The following CCDC14 variants were observed in gnomAD, a reference collection of about 807,000 sequenced individuals.
The protein encoded by CCDC14 is coiled-coil domain-containing protein 14.
In CCDC14, 71 loss-of-function variants were observed where a neutral mutation model predicts 81.4. The observed-to-expected ratio is 0.87, with a 90% CI of 0.72 to 1.06. The LOEUF is 1.06. Among genes scored for constraint, CCDC14 ranks in the 50% least tolerant of loss-of-function variants. The probability of loss-of-function intolerance (pLI) is 0.00; values close to 1 mark genes in which losing one functional copy is unlikely to be tolerated. For synonymous variants in CCDC14, 332 were observed against 364.8 expected (o/e 0.91, Z 1.03); for missense variants, 1,046 against 1,047.3 (o/e 1.00, Z 0.02).
intron 7 of CCDC14, 23 bp downstream of exon 7, chr3:123,948,668 T>C (rs1559799971): frequency 2.0e-6 from 3 of 1,536,872 alleles, no homozygotes; most frequent in Non-Finnish European, 2.6e-6. Flanking sequence ...TAGTTACTTA[T>C]GTAGTATAAG....
Position 123,955,917 on chromosome 3 carries a change from T to A in CCDC14, c.278A>T (p.Glu93Val), listed in dbSNP as rs1253001487. The change falls in exon 5 of 13, where the codon GAA becomes GTA. Residue 93 changes from glutamate to valine, a missense_variant. Physicochemically the swap from Glu to Val is moderately radical, Grantham distance 121. Coordinates refer to ENST00000409697, the MANE Select transcript of CCDC14 (RefSeq NM_001366335.1). ...CTTTTTTGATCCGTATCTTTTGCTTTCTAAAGGTCTAGAATTAGATCTGTT... is the reference window on the plus strand; with the variant it reads ...CTTTTTTGATCCGTATCTTTTGCTTACTAAAGGTCTAGAATTAGATCTGTT... ...LENRSNSRPL[E>V]SKRYGSKKKR... 5 of 1,537,058 alleles carry A rather than the reference T, an allele frequency of 3.3e-6. No individual in the cohort carries two copies. The highest frequency in any genetic ancestry group is 3.5e-6 in the Non-Finnish European group (4 of 1,137,520).
rs565823841 is a variant in CCDC14, at chr3:123,947,204, A to G, written c.800T>C (p.Leu267Pro). 44 of 1,613,982 alleles carry G rather than the reference A, an allele frequency of 2.7e-5. No homozygotes were observed. The South Asian group carries it at 4.6e-4, about 17-fold the overall frequency. Residue 267 changes from leucine (L) to proline (P), a missense_variant, in exon 8 of 13, where the codon CTG (leucine) becomes CCG (proline). Leu to Pro is a moderately conservative substitution (Grantham distance 98). Coordinates refer to ENST00000409697, the MANE Select transcript of CCDC14 (RefSeq NM_001366335.1). ...AATAGCTGATATGTCAGTTTTGGGCAGGCTACATGGAACTCCAGGACTGGT... is the reference window on the plus strand; with the variant it reads ...AATAGCTGATATGTCAGTTTTGGGCGGGCTACATGGAACTCCAGGACTGGT... ...FNTSPGVPCS[L>P]PKTDISAIPT...
chr3:123,893,022 T>G (rs1015438663), downstream of CCDC14, among the ~76,000 whole-genome samples: 3 of 152,188 alleles, frequency 2.0e-5, no homozygotes, highest in Non-Finnish European at 4.4e-5. Context: ...CTCAGGATGG[T>G]CTCAATCACC....
At chr3:123,891,703 C>G in the CCDC14 span, among the ~76,000 whole-genome samples, 1 of 152,256 alleles carries the variant, frequency 6.6e-6, no homozygotes, top group African/African-American at 2.4e-5. Flanking sequence ...GAGTTCCAAA[C>G]TTTCCCACAT....
chr3:123,933,636 C>T (rs775807859), intron 10 of CCDC14, 37 bp downstream of exon 10: 1 of 1,410,564 alleles, frequency 7.1e-7, no homozygotes, highest in South Asian at 1.3e-5. Flanking sequence ...TCCGGAGCCA[C>T]AAATAATTTA....
intron 9 of CCDC14, among the ~76,000 whole-genome samples, chr3:123,942,255 T>A (rs915209326): frequency 1.3e-5 from 2 of 152,034 alleles, no homozygotes; most frequent in African/African-American, 2.4e-5. Flanking sequence ...AGCACCTATT[T>A]CACAAAGCTG....
intron 1 of CCDC14, chr3:123,958,606 TAA>T (rs2037482919): frequency 1.3e-5 from 2 of 152,074 alleles, no homozygotes; most frequent in South Asian, 2.1e-4. Flanking sequence ...CCATTAGAGT[TAA>T]GTTTGCAGAT....
rs2034639457 is a variant in CCDC14 at position 123,915,677 on chromosome 3, C to A, written c.1820G>T (p.Ser607Ile). 1.2e-6 allele frequency: 2 copies of A among 1,613,442 alleles called. No individual in the cohort carries two copies. The highest frequency in any genetic ancestry group is 1.7e-6 in the Non-Finnish European group (2 of 1,179,754). ...AGGCTTGCAGCGAGCACTGTCCACA[C>A]TAAGATCGGAGAGAAGCTTTGCCAT... ...TSMAKLLSDL[S>I]VDSARCKPGN... The change falls in exon 13 of 13, where the codon AGT becomes ATT. Residue 607 changes from serine (S) to isoleucine (I), a missense_variant. Transcript: ENST00000409697.
the CCDC14 span, among the ~76,000 whole-genome samples, chr3:123,886,151 T>TTCTC: frequency 2.0e-5 from 3 of 150,180 alleles, no homozygotes; most frequent in Non-Finnish European, 4.4e-5. Context: ...CTTTTTTTTT[T>TTCTC]TCTCTCTCTC....
At position 123,915,565 on chromosome 3, in the gene CCDC14, G is replaced by C. The variant is rs1379724306; in HGVS notation, c.1932C>G (p.Ser644Arg). 1 of 1,613,970 alleles carries C rather than the reference G, an allele frequency of 6.2e-7. No homozygotes were observed. The highest frequency in any genetic ancestry group is 2.2e-5 in the East Asian group (1 of 44,882). Residue 644 changes from serine to arginine, a missense_variant, in exon 13 of 13, where the codon AGC becomes AGG. By Grantham distance (110) the Ser-to-Arg change is moderately radical. Coordinates refer to ENST00000409697, the MANE Select transcript of CCDC14 (RefSeq NM_001366335.1). ...DPAPAHTSIM[S>R]YLNKLETNYS... The stretch of plus-strand genomic sequence containing the variant: ...AATTTGTTTCTAACTTATTTAGATA[G>C]CTCATTATGGAAGTGTGAGCAGGAG...
chr3:123,910,685 T>C (rs2034425942), downstream of CCDC14, among the ~76,000 whole-genome samples: 1 of 152,058 alleles, frequency 6.6e-6, no homozygotes, highest in South Asian at 2.1e-4. Context: ...AGTCAGTAAC[T>C]GAATGAAGAA....
At chr3:123,890,491 A>G in the CCDC14 span, among the ~76,000 whole-genome samples, 3 of 152,338 alleles carry the variant, frequency 2.0e-5, no homozygotes, top group South Asian at 6.2e-4. Flanking sequence ...AAATATGGCC[A>G]TTCTAAATGG....
intron 12 of CCDC14, among the ~76,000 whole-genome samples, chr3:123,919,480 A>T (rs1350310365): frequency 1.3e-5 from 2 of 152,122 alleles, no homozygotes; most frequent in Non-Finnish European, 2.9e-5. Flanking sequence ...CAGCAGTAGC[A>T]CTCAGCCAGG....
intron 9 of CCDC14, among the ~76,000 whole-genome samples, chr3:123,943,787 T>C (rs1280428555): frequency 6.6e-6 from 1 of 152,180 alleles, no homozygotes; most frequent in Non-Finnish European, 1.5e-5. Flanking sequence ...TGGAGCTTTC[T>C]AGAGGGTGGT....
At chr3:123,929,425 C>T (rs2035578294) in intron 12 of CCDC14, among the ~76,000 whole-genome samples, 1 of 152,076 alleles carries the variant, frequency 6.6e-6, no homozygotes, top group South Asian at 2.1e-4. Flanking sequence ...ACTTCTGCCT[C>T]TCGAGTAGCT....
rs572929508 is a variant in CCDC14 at position 123,947,406 on chromosome 3, T to C, written c.685-87A>G. On this transcript the variant is annotated intron_variant, in intron 7 of 12. Transcript: ENST00000409697. ...AACAAACTCAAATATATGAAATATA[T>C]TTATTAAAACATGTTTATTAATATA... The C allele has an allele frequency of 8.3e-5, 73 of 877,560 alleles. 2 individuals carry two copies. The South Asian group carries it at 8.8e-4, about 11-fold the overall frequency. The allele number at this position is 877,560 out of a possible 1,614,324, so 54.4% of individuals were successfully genotyped here. A position where few individuals can be genotyped will look rare whatever the true frequency, so the allele number is the denominator to read the frequency against.
intron 12 of CCDC14, among the ~76,000 whole-genome samples, chr3:123,930,258 A>C (rs2035616767): frequency 6.6e-6 from 1 of 152,242 alleles, no homozygotes; most frequent in African/African-American, 2.4e-5. Flanking sequence ...CTTCCCTACA[A>C]GTTTATCATT....
At chr3:123,912,356 A>G (rs2034467200), downstream of CCDC14, among the ~76,000 whole-genome samples, 1 of 152,172 alleles carries the variant, frequency 6.6e-6, no homozygotes, top group South Asian at 2.1e-4. Flanking sequence ...GATGATCTAA[A>G]GACGACGACT....
Position 123,946,860 on chromosome 3 carries a change from T to C in CCDC14, c.1144A>G (p.Lys382Glu). Residue 382 changes from lysine (K) to glutamate (E), a missense_variant, in exon 8 of 13, where the codon AAA (lysine) becomes GAA (glutamate). By Grantham distance (56) the Lys-to-Glu change is moderately conservative. Transcript: ENST00000409697. ...KAKNVNKTAE[K>E]VRIIKYLLGE... ...AACAAATATTTTATAATTCTAACTT[T>C]TTCAGCTGTCTTGTTCACATTTTTT... 2 of 1,613,962 alleles carry C rather than the reference T, an allele frequency of 1.2e-6. No individual in the cohort carries two copies. The highest frequency in any genetic ancestry group is 2.2e-5 in the East Asian group (1 of 44,882).
Sources: allele counts gnomAD v4.1 joint callset (sites outside exome capture counted in the v4.1 genomes callset), GRCh38; gene constraint gnomAD v4.1.1; transcripts MANE v1.5; gene names NCBI Gene and HGNC (gene_info 2026-07-23, HGNC 2026-07-21).